NDST3: variants seen among roughly 807,000 people sequenced by gnomAD.
The protein encoded by NDST3 is N-deacetylase and N-sulfotransferase 3.
A neutral mutation model predicts 96.1 loss-of-function variants in NDST3; 58 were observed. That is an observed-to-expected ratio of 0.60 (90% confidence interval 0.49 to 0.75). The LOEUF is 0.75. Ranked by LOEUF, NDST3 falls within the 30% of genes least tolerant of loss-of-function variation. NDST3 has a pLI of 0.00. For missense variants in NDST3, 788 were observed against 1,034.2 expected (o/e 0.76, Z 3.27); for synonymous variants, 333 against 359.7 (o/e 0.93, Z 0.84).
At chr4:118,118,991 A>G (rs960687976) in intron 4 of NDST3, among the ~76,000 whole-genome samples, 1 of 152,218 alleles carries the variant, frequency 6.6e-6, no homozygotes, top group African/African-American at 2.4e-5. Context: ...TAGTTAATAG[A>G]TATTTCTATC....
chr4:118,143,458 C>T lies in NDST3; in HGVS notation c.1411-98C>T, dbSNP rs938594338. 5 of 1,280,712 alleles carry T rather than the reference C, an allele frequency of 3.9e-6. No homozygotes were observed. The African/African-American group carries it at 6.1e-5, about 16-fold the overall frequency. The allele number at this position is 1,280,712 out of a possible 1,614,324, so 79.3% of individuals were successfully genotyped here. A position where few individuals can be genotyped will look rare whatever the true frequency, so the allele number is the denominator to read the frequency against. On this transcript the variant is annotated intron_variant, in intron 5 of 13. Coordinates refer to ENST00000296499, the MANE Select transcript of NDST3 (RefSeq NM_004784.3). ...GCCCTGGTTAGACCTGAATAATTCA[C>T]TAGCTTGTGCATCATCTTGTGTGAG...
intron 6 of NDST3, among the ~76,000 whole-genome samples, chr4:118,204,038 C>A (rs1379485781): frequency 1.3e-5 from 2 of 152,182 alleles, no homozygotes; most frequent in Non-Finnish European, 2.9e-5. Context: ...TTATCAGATT[C>A]TGGACCCAAT....
chr4:118,064,484 GT>G (rs1477752035), intron 2 of NDST3, among the ~76,000 whole-genome samples: 1 of 151,816 alleles, frequency 6.6e-6, no homozygotes, highest in African/African-American at 2.4e-5. Context: ...TTTATAAACT[GT>G]TTATAACCAA....
At chr4:118,221,318 A>G (rs765415860) in intron 6 of NDST3, among the ~76,000 whole-genome samples, 8 of 152,082 alleles carry the variant, frequency 5.3e-5, no homozygotes, top group East Asian at 1.9e-4. Context: ...AGAATGAAGC[A>G]GAGCATCTGG....
intron 2 of NDST3, 69 bp from the exon 3 acceptor site, chr4:118,104,949 G>T: frequency 8.0e-7 from 1 of 1,254,762 alleles, no homozygotes. Context: ...AATGCAAAAA[G>T]GATATATCTT....
chr4:118,037,869 A>C (rs1393042071), intron 1 of NDST3, among the ~76,000 whole-genome samples: 1 of 152,216 alleles, frequency 6.6e-6, no homozygotes, highest in Admixed American at 6.5e-5. Flanking sequence ...TGTCCATAGA[A>C]TAGAGAGTAA....
chr4:118,070,769 G>A (rs571385673), intron 2 of NDST3, among the ~76,000 whole-genome samples: 17 of 151,698 alleles, frequency 1.1e-4, no homozygotes, highest in Middle Eastern at 3.4e-3. Flanking sequence ...TTTACATTAG[G>A]TATATCTCCT....
chr4:118,086,517 G>A (rs1339202599), intron 2 of NDST3, among the ~76,000 whole-genome samples: 1 of 151,918 alleles, frequency 6.6e-6, no homozygotes, highest in African/African-American at 2.4e-5. Flanking sequence ...TTATGTATAT[G>A]AGTCACCTCC....
At position 118,219,140 on chromosome 4, in the gene NDST3, T is replaced by C; in HGVS notation, c.1540-5351T>C. Among the ~76,000 whole-genome samples, 2 of 152,140 alleles carry C rather than the reference T, an allele frequency of 1.3e-5. 1 individual carries two copies. Among genetic ancestry groups the C allele is most frequent in the East Asian group, 3.8e-4 (2 of 5,200 alleles). ...AAAGTAATTTATAGATTCAATGCTA[T>C]TCCCTTCAAACTACTATTGACATTC... is the stretch of plus-strand genomic sequence containing the variant. On this transcript the variant is annotated intron_variant, in intron 6 of 13. Transcript: ENST00000296499.
At chr4:118,071,369 G>A (rs1246805761) in intron 2 of NDST3, among the ~76,000 whole-genome samples, 4 of 152,030 alleles carry the variant, frequency 2.6e-5, no homozygotes, top group Admixed American at 6.6e-5. Context: ...CAGGAAATAA[G>A]CATAATACCC....
At chr4:118,146,602 T>C (rs993782817) in intron 6 of NDST3, among the ~76,000 whole-genome samples, 1 of 152,220 alleles carries the variant, frequency 6.6e-6, no homozygotes, top group African/African-American at 2.4e-5. Flanking sequence ...TGTTCTAATG[T>C]TACCAAAATA....
chr4:118,057,643 C>T (rs1402958139), intron 2 of NDST3, among the ~76,000 whole-genome samples: 1 of 152,010 alleles, frequency 6.6e-6, no homozygotes, highest in Non-Finnish European at 1.5e-5. Flanking sequence ...AACAGCAGGG[C>T]CCACTGGGCT....
intron 6 of NDST3, among the ~76,000 whole-genome samples, chr4:118,212,997 G>T (rs1173486049): frequency 1.3e-5 from 2 of 152,072 alleles, no homozygotes; most frequent in Non-Finnish European, 2.9e-5. Flanking sequence ...GCTAACATTT[G>T]CTCCCCTATA....
At chr4:118,096,315 C>G (rs1255385791) in intron 2 of NDST3, among the ~76,000 whole-genome samples, 1 of 151,782 alleles carries the variant, frequency 6.6e-6, no homozygotes, top group African/African-American at 2.4e-5. Flanking sequence ...CTTGAACCAT[C>G]ATTAAATCAG....
chr4:118,071,428 G>C (rs1727064668), intron 2 of NDST3, among the ~76,000 whole-genome samples: 1 of 152,032 alleles, frequency 6.6e-6, no homozygotes, highest in African/African-American at 2.4e-5. Context: ...CCACCCTCAA[G>C]TAGGTGCTGT....
intron 6 of NDST3, among the ~76,000 whole-genome samples, chr4:118,154,232 A>T (rs1320224792): frequency 6.6e-6 from 1 of 152,202 alleles, no homozygotes; most frequent in Non-Finnish European, 1.5e-5. Flanking sequence ...CTGTATCTGT[A>T]AGTCACATAT....
At chr4:118,186,897 T>A (rs1040016484) in intron 6 of NDST3, among the ~76,000 whole-genome samples, 2 of 152,202 alleles carry the variant, frequency 1.3e-5, no homozygotes, top group African/African-American at 4.8e-5. Flanking sequence ...TCATTACAGT[T>A]CAGGAGAGAC....
At chr4:118,143,892 G>A (rs573884040) in intron 6 of NDST3, among the ~76,000 whole-genome samples, 1 of 152,282 alleles carries the variant, frequency 6.6e-6, no homozygotes, top group African/African-American at 2.4e-5. Context: ...ACTCATGGCA[G>A]AACCAGGGAA....
intron 1 of NDST3, among the ~76,000 whole-genome samples, chr4:118,053,255 T>A (rs1042880805): frequency 3.3e-5 from 5 of 151,984 alleles, no homozygotes; most frequent in Non-Finnish European, 7.4e-5. Flanking sequence ...TATCATAAGG[T>A]TGTTTCTCTA....
Sources: allele counts gnomAD v4.1 joint callset (sites outside exome capture counted in the v4.1 genomes callset), GRCh38; gene constraint gnomAD v4.1.1; transcripts MANE v1.5; gene names NCBI Gene and HGNC (gene_info 2026-07-23, HGNC 2026-07-21).